The following USP6 variants were observed in gnomAD, a reference collection of about 807,000 sequenced individuals.
USP6 encodes ubiquitin carboxyl-terminal hydrolase 6.
A neutral mutation model predicts 175.7 loss-of-function variants in USP6; 128 were observed. The ratio of observed to expected loss-of-function variants is 0.73; its 90% CI spans 0.63 to 0.84. The LOEUF is 0.84. USP6 is among the 40% of genes least tolerant of loss of function. The pLI, the probability that USP6 is intolerant of heterozygous loss-of-function variation, is 0.00. For missense variants in USP6, 1,498 were observed against 1,760.3 expected (o/e 0.85, Z 2.67); for synonymous variants, 562 against 630.6 (o/e 0.89, Z 1.63).
Position 5,138,102 on chromosome 17 carries a change from A to C in USP6, c.926-19A>C, listed in dbSNP as rs2143911551. 1 of 1,613,912 alleles carries C rather than the reference A, an allele frequency of 6.2e-7. No individual in the cohort carries two copies. Among genetic ancestry groups the C allele is most frequent in the South Asian group, 1.1e-5 (1 of 91,086 alleles). ...ATTCCCAGGGAACTCTCCTGGCCTG[A>C]TATCCACCCTGTCCCTAGAGCGCCT... On this transcript the variant is annotated intron_variant, in intron 20 of 37. Coordinates refer to ENST00000574788, the MANE Select transcript of USP6 (RefSeq NM_001304284.2).
At chr17:5,125,740 A>C (rs1300559541) in intron 5 of USP6, 81 bp from the exon 6 acceptor site, 1 of 150,032 alleles carries the variant, frequency 6.7e-6, no homozygotes, top group Non-Finnish European at 1.5e-5. Flanking sequence ...TCATGCCCTC[A>C]CTAGGGTGGC....
rs2074205791 is a variant in USP6 at position 5,171,023 on chromosome 17, G to T, written c.3954+108G>T. ...CAGGTCCTGCTAATTTCCTAGCATT[G>T]AGCTTAGTGATAGACAAAGTTAACA... On this transcript the variant is annotated intron_variant, in intron 36 of 37. Transcript: ENST00000574788. 4 of 1,339,886 alleles carry T rather than the reference G, an allele frequency of 3.0e-6. No individual in the cohort carries two copies. The African/African-American group carries it at 5.9e-5, about 20-fold the overall frequency. 83.0% of individuals were successfully genotyped at this position (1,339,886 alleles called of 1,614,324 possible). A position where few individuals can be genotyped will look rare whatever the true frequency, so the allele number is the denominator to read the frequency against.
At position 5,171,628 on chromosome 17, in the gene USP6, T is replaced by C; in HGVS notation, c.3996T>C (p.Tyr1332=). The C allele has an allele frequency of 6.2e-7, 1 of 1,613,842 alleles. No homozygotes were observed. The highest frequency in any genetic ancestry group is 8.5e-7 in the Non-Finnish European group (1 of 1,179,812). ...TGAGTGGGGGCCATTACATCACTTA[T>C]GCCAAAAACCCAAACTGCAAGTGGT... ...GILSGGHYIT[Y]AKNPNCKWYC... is the part of the protein sequence containing the mutation. Residue 1332 remains tyrosine, a synonymous_variant, in exon 37 of 38, where the codon TAT becomes TAC. Transcript: ENST00000574788.
At chr17:5,162,333 G>T (rs2074020419) in intron 32 of USP6, among the ~76,000 whole-genome samples, 1 of 152,002 alleles carries the variant, frequency 6.6e-6, no homozygotes, top group South Asian at 2.1e-4. Flanking sequence ...TGCATTTTTA[G>T]TAGGAATGGG....
At chr17:5,162,720 A>G (rs2074027564) in intron 32 of USP6, among the ~76,000 whole-genome samples, 164 bp from the exon 33 acceptor site, 1 of 152,246 alleles carries the variant, frequency 6.6e-6, no homozygotes, top group Non-Finnish European at 1.5e-5. Context: ...ATAATTATTA[A>G]TAAGTATCCT....
At chr17:5,136,597 T>C (rs1452836078) in intron 17 of USP6, 43 bp from the exon 18 acceptor site, 4 of 1,604,150 alleles carry the variant, frequency 2.5e-6, no homozygotes, top group Non-Finnish European at 3.4e-6. Flanking sequence ...CTCCACACCT[T>C]GGGGGAAGGC....
At chr17:5,167,523 T>C (rs1018305383) in intron 33 of USP6, among the ~76,000 whole-genome samples, 7 of 152,108 alleles carry the variant, frequency 4.6e-5, no homozygotes, top group Middle Eastern at 3.2e-3. Flanking sequence ...TTCTTTTCCC[T>C]TTTTTTGAGA....
At position 5,142,036 on chromosome 17, in the gene USP6, A is replaced by T. The variant is rs751531041; in HGVS notation, c.1607A>T (p.Asn536Ile). 6.2e-6 allele frequency: 10 copies of T among 1,613,750 alleles called. No individual in the cohort carries two copies. The African/African-American group carries it at 1.3e-4, about 22-fold the overall frequency. ...GAAAAGGGAGCCACAGGTCTAAGCA[A>T]CCTGGGAAACACATGCTTCATGAAC... ...PTEKGATGLS[N>I]LGNTCFMNSS... Residue 536 changes from asparagine to isoleucine, a missense_variant, in exon 24 of 38, where the codon AAC becomes ATC. Around this residue, in one of 2 missense-constraint regions of USP6, gnomAD observed 1,217 missense variants for 1,500.8 expected, o/e 0.81. Transcript: ENST00000574788.
intron 7 of USP6, chr17:5,128,661 A>T (rs2072966871): frequency 6.6e-6 from 1 of 152,576 alleles, no homozygotes; most frequent in Non-Finnish European, 1.5e-5. Context: ...GCATGTGCAC[A>T]AACACATTGC....
chr17:5,125,402 TG>T (rs1379072852), intron 5 of USP6, 130 bp downstream of exon 5: 3 of 152,042 alleles, frequency 2.0e-5, no homozygotes, highest in Non-Finnish European at 4.4e-5. Context: ...GTGGAAGAGT[TG>T]TCTTCAAGAA....
intron 10 of USP6, 51 bp from the exon 11 acceptor site, chr17:5,130,551 C>A (rs530810934): frequency 2.2e-5 from 35 of 1,611,620 alleles, no homozygotes; most frequent in Non-Finnish European, 3.0e-5. Context: ...ACCCCCAGGC[C>A]CTTGCACCCT....
intron 31 of USP6, among the ~76,000 whole-genome samples, chr17:5,156,364 A>G (rs1169676700): frequency 1.3e-5 from 2 of 151,324 alleles, no homozygotes; most frequent in Non-Finnish European, 2.9e-5. Context: ...TTGGAGTGCA[A>G]TGGCACGATC....
chr17:5,173,052 G>T lies in USP6; in HGVS notation c.*74G>T, dbSNP rs1213909495. The T allele has an allele frequency of 5.2e-6, 8 of 1,533,586 alleles. No individual in the cohort carries two copies. Among genetic ancestry groups the T allele is most frequent in the Non-Finnish European group, 7.1e-6 (8 of 1,126,918 alleles). 95.0% of individuals were successfully genotyped at this position (1,533,586 alleles called of 1,614,324 possible). A position where few individuals can be genotyped will look rare whatever the true frequency, so the allele number is the denominator to read the frequency against. ...CTTGTAGCTGATACTTGGCAAAAGT[G>T]TCACTGAAAGACAAGCTAAATGTAG... On this transcript the variant is annotated 3_prime_UTR_variant, in exon 38 of 38. Transcript: ENST00000574788.
intron 30 of USP6, among the ~76,000 whole-genome samples, chr17:5,152,241 C>CAAAA (rs61685863): frequency 1.1e-5 from 1 of 90,132 alleles, no homozygotes; most frequent in South Asian, 3.8e-4. Context: ...GACTCCGTCT[C>CAAAA]AAAAAAAAAA....
chr17:5,123,697 CTTCG>C (rs1391469921), intron 4 of USP6, among the ~76,000 whole-genome samples: 2 of 152,148 alleles, frequency 1.3e-5, no homozygotes, highest in African/African-American at 4.8e-5. Context: ...ACATGCTGGG[CTTCG>C]TTCGCTCTCA....
At chr17:5,171,494 A>C (rs1284580085) in intron 36 of USP6, 93 bp from the exon 37 acceptor site, 5 of 1,174,418 alleles carry the variant, frequency 4.3e-6, no homozygotes, top group Middle Eastern at 4.7e-4. Context: ...GATCATTTAC[A>C]TGATCAGTGT....
chr17:5,164,031 A>G (rs2074054796), intron 33 of USP6, among the ~76,000 whole-genome samples: 1 of 152,244 alleles, frequency 6.6e-6, no homozygotes, highest in African/African-American at 2.4e-5. Flanking sequence ...TTGAAAGGTA[A>G]AGACATTAAG....
chr17:5,139,662 C>A lies in USP6; in HGVS notation c.1486C>A (p.His496Asn). Residue 496 changes from histidine to asparagine, a missense_variant, in exon 22 of 38, where the codon CAC becomes AAC. By Grantham distance (68) the His-to-Asn change is moderately conservative. Coordinates refer to ENST00000574788, the MANE Select transcript of USP6 (RefSeq NM_001304284.2). ...GCTGGCCACCTGCTGGCAGGCTGAA[C>A]ACTGCGGAGAGGGTGAGGTTGGCTT... ...DQLATCWQAE[H>N]CGEVHNKDMS... 1 of 1,609,722 alleles carries A rather than the reference C, an allele frequency of 6.2e-7. No individual in the cohort carries two copies. Among genetic ancestry groups the A allele is most frequent in the Non-Finnish European group, 8.5e-7 (1 of 1,180,016 alleles).
intron 3 of USP6, 104 bp downstream of exon 3, chr17:5,120,892 G>A: frequency 2.2e-6 from 1 of 454,546 alleles, no homozygotes; most frequent in South Asian, 1.6e-5. Flanking sequence ...CAGTTGGAAG[G>A]ACTTTGGAAA....
Sources: gnomAD v4.1 joint callset for allele counts (sites outside exome capture counted in the v4.1 genomes callset) on GRCh38, gnomAD v4.1.1 for gene constraint, gnomAD v4.1.1 regional missense constraint, MANE v1.5 for transcripts, NCBI Gene and HGNC (gene_info 2026-07-23, HGNC 2026-07-21) for gene names.